The following IQSEC1 variants were observed in gnomAD, a reference collection of about 807,000 sequenced individuals.
IQSEC1 encodes IQ motif and SEC7 domain-containing protein 1.
A neutral mutation model predicts 91.0 loss-of-function variants in IQSEC1; 31 were observed. The observed-to-expected ratio is 0.34, with a 90% CI of 0.26 to 0.46. The LOEUF is 0.46. IQSEC1 is among the 20% of genes least tolerant of loss of function. IQSEC1 has a pLI of 1.00. For synonymous variants in IQSEC1, 699 were observed against 662.6 expected (o/e 1.05, Z -0.84); for missense variants, 1,388 against 1,575.6 (o/e 0.88, Z 2.02).
chr3:12,900,588 GTTTTGTCTGT>G lies in IQSEC1; in HGVS notation c.*385_*394del. On this transcript the variant is annotated 3_prime_UTR_variant, in exon 14 of 14. Transcript: ENST00000613206. ...AATAATGCAGCAAGTTTTGGGGTTT[GTTTTGTCTGT>G]TTTTGTATCTCATTTCTTCGTTTTC... 5 of 1,022,478 alleles carry G rather than the reference GTTTTGTCTGT, an allele frequency of 4.9e-6. No homozygotes were observed. Among genetic ancestry groups the G allele is most frequent in the Non-Finnish European group, 5.9e-6 (5 of 853,066 alleles). The allele number at this position is 1,022,478 out of a possible 1,614,324, so 63.3% of individuals were successfully genotyped here.
intron 2 of IQSEC1, among the ~76,000 whole-genome samples, chr3:13,112,909 G>A (rs1706273598): frequency 6.6e-6 from 1 of 152,258 alleles, no homozygotes; most frequent in South Asian, 2.1e-4. Context: ...TGAGACATGA[G>A]ACAATGCTGT....
At chr3:12,961,537 C>T (rs934984596) in intron 1 of IQSEC1, among the ~76,000 whole-genome samples, 3 of 152,204 alleles carry the variant, frequency 2.0e-5, no homozygotes, top group Non-Finnish European at 4.4e-5. Context: ...TCTGTCATAC[C>T]ACCAACAGCC....
intron 1 of IQSEC1, among the ~76,000 whole-genome samples, chr3:13,071,569 T>C (rs1705429020): frequency 6.6e-6 from 1 of 152,190 alleles, no homozygotes; most frequent in African/African-American, 2.4e-5. Flanking sequence ...GGAAAGGATT[T>C]ACTATTTGTT....
chr3:12,968,594 A>G (rs1052725022), intron 1 of IQSEC1, among the ~76,000 whole-genome samples: 4 of 152,038 alleles, frequency 2.6e-5, no homozygotes, highest in Non-Finnish European at 5.9e-5. Flanking sequence ...TCTTCCTACT[A>G]TGAGCGCTCA....
At chr3:13,228,514 T>A (rs1162624938) in intron 1 of IQSEC1, among the ~76,000 whole-genome samples, 1 of 152,260 alleles carries the variant, frequency 6.6e-6, no homozygotes, top group Non-Finnish European at 1.5e-5. Context: ...AACTGTTTTA[T>A]TAATCTTAGA....
At chr3:13,041,325 C>T (rs542463025) in intron 1 of IQSEC1, among the ~76,000 whole-genome samples, 4 of 152,224 alleles carry the variant, frequency 2.6e-5, no homozygotes, top group Non-Finnish European at 4.4e-5. Flanking sequence ...AGGCCTCTCT[C>T]GCTGGCACCC....
intron 1 of IQSEC1, among the ~76,000 whole-genome samples, chr3:13,264,100 G>C (rs1323693499): frequency 6.6e-6 from 1 of 152,208 alleles, no homozygotes; most frequent in Non-Finnish European, 1.5e-5. Flanking sequence ...TTTTGAGCCG[G>C]ACGGCGCCGG....
At chr3:12,974,661 G>C (rs1422549356) in intron 1 of IQSEC1, among the ~76,000 whole-genome samples, 1 of 152,208 alleles carries the variant, frequency 6.6e-6, no homozygotes, top group Non-Finnish European at 1.5e-5. Context: ...GCCTCTATCG[G>C]TAGAGGACCG....
chr3:13,022,154 C>G (rs1351887154), intron 1 of IQSEC1: 25 of 1,231,728 alleles, frequency 2.0e-5, no homozygotes, highest in Non-Finnish European at 2.4e-5. Context: ...ACTGCCCCAC[C>G]ACCCAGAGTC....
chr3:12,984,200 C>T (rs1426854437), intron 1 of IQSEC1, among the ~76,000 whole-genome samples: 1 of 152,184 alleles, frequency 6.6e-6, no homozygotes, highest in Non-Finnish European at 1.5e-5. Context: ...AGTTTCCTTT[C>T]CCCTGGGGTT....
rs377330920 is a variant in IQSEC1 at position 12,959,446 on chromosome 3, G to A, written c.24-17581C>T. Among the ~76,000 whole-genome samples the A allele has an allele frequency of 3.9e-5, 6 of 152,300 alleles. No individual in the cohort carries two copies. The East Asian group carries it at 5.8e-4, about 15-fold the overall frequency. On this transcript the variant is annotated intron_variant, in intron 1 of 13. Transcript: ENST00000613206. The stretch of plus-strand genomic sequence containing the variant: ...GGTCCTAGGCAGATGGAAGAGAAGC[G>A]AGTTCTCCTACCCTGACCCAGGAAG...
At chr3:13,011,950 A>G (rs1702901672) in intron 1 of IQSEC1, among the ~76,000 whole-genome samples, 1 of 103,524 alleles carries the variant, frequency 9.7e-6, no homozygotes, top group African/African-American at 3.4e-5. Context: ...TGGGGGACTC[A>G]CTTAAGAAGG....
chr3:13,185,446 G>A (rs1043308108), intron 1 of IQSEC1, among the ~76,000 whole-genome samples: 7 of 152,146 alleles, frequency 4.6e-5, no homozygotes, highest in African/African-American at 1.7e-4. Context: ...TCCCTTGGAC[G>A]TCAGCTTGTT....
intron 1 of IQSEC1, among the ~76,000 whole-genome samples, chr3:13,009,932 G>A (rs1419236641): frequency 6.6e-6 from 1 of 152,188 alleles, no homozygotes; most frequent in Admixed American, 6.5e-5. Flanking sequence ...TTTGCTGATT[G>A]CTGTAAGGCA....
chr3:13,037,714 C>T (rs558503052), intron 1 of IQSEC1, among the ~76,000 whole-genome samples: 1 of 152,268 alleles, frequency 6.6e-6, no homozygotes, highest in East Asian at 1.9e-4. Flanking sequence ...CATGCTACAA[C>T]ATGGATGAAC....
intron 6 of IQSEC1, among the ~76,000 whole-genome samples, chr3:12,917,021 G>C (rs1455759896): frequency 6.6e-6 from 1 of 152,204 alleles, no homozygotes; most frequent in Non-Finnish European, 1.5e-5. Flanking sequence ...GCCCTGAGCA[G>C]GTGGGGCAGG....
chr3:13,147,123 C>T (rs9882090), intron 2 of IQSEC1, among the ~76,000 whole-genome samples: 3,957 of 152,250 alleles, frequency 0.026, 155 homozygotes, highest in South Asian at 0.13. Flanking sequence ...AGGGATGAGG[C>T]CTGCCCATGC....
intron 1 of IQSEC1, among the ~76,000 whole-genome samples, chr3:13,221,009 T>C (rs902710765): frequency 2.0e-5 from 3 of 152,118 alleles, no homozygotes; most frequent in South Asian, 2.1e-4. Context: ...GGGAACAACA[T>C]TGTAGAGAAA....
At chr3:13,019,306 G>C (rs1016537730) in intron 1 of IQSEC1, among the ~76,000 whole-genome samples, 5 of 152,234 alleles carry the variant, frequency 3.3e-5, no homozygotes, top group African/African-American at 1.2e-4. Context: ...CCTGGGCAGA[G>C]GGCCAGGGCT....
Sources: allele counts gnomAD v4.1 joint callset (sites outside exome capture counted in the v4.1 genomes callset), GRCh38; gene constraint gnomAD v4.1.1; transcripts MANE v1.5; gene names NCBI Gene and HGNC (gene_info 2026-07-23, HGNC 2026-07-21).